The following DGKQ variants were observed in gnomAD, a reference collection of about 807,000 sequenced individuals.
DGKQ encodes diacylglycerol kinase theta.
A neutral mutation model predicts 104.2 loss-of-function variants in DGKQ; 97 were observed. The observed-to-expected ratio is 0.93, with a 90% CI of 0.79 to 1.10. DGKQ has a LOEUF of 1.10. Among genes scored for constraint, DGKQ ranks in the 50% least tolerant of loss-of-function variants. The probability of loss-of-function intolerance (pLI) is 0.00; values close to 1 mark genes in which losing one functional copy is unlikely to be tolerated. For missense variants in DGKQ, 1,465 were observed against 1,352.1 expected (o/e 1.08, Z -1.31); for synonymous variants, 736 against 595.2 (o/e 1.24, Z -3.44).
At chr4:969,703 G>A (rs1196157415) in intron 2 of DGKQ, among the ~76,000 whole-genome samples, 1 of 150,544 alleles carries the variant, frequency 6.6e-6, no homozygotes, top group Non-Finnish European at 1.5e-5. Context: ...TCCGCCTCCT[G>A]GGTTCACACC....
intron 1 of DGKQ, among the ~76,000 whole-genome samples, chr4:972,008 G>T (rs564314799): frequency 6.6e-6 from 1 of 152,180 alleles, no homozygotes; most frequent in South Asian, 2.1e-4. Context: ...AGGGTCCACC[G>T]AGAGAAGGGG....
chr4:966,630 G>T, intron 11 of DGKQ, 103 bp from the exon 12 acceptor site: 1 of 1,506,626 alleles, frequency 6.6e-7, no homozygotes, highest in Non-Finnish European at 9.0e-7. Flanking sequence ...GGTGGAGCTG[G>T]TCAGGAGGGC....
chr4:969,565 G>A (rs553725503), intron 2 of DGKQ, among the ~76,000 whole-genome samples: 1 of 152,084 alleles, frequency 6.6e-6, no homozygotes, highest in East Asian at 1.9e-4. Flanking sequence ...TAGCAGCTGT[G>A]AGCATGCCAG....
Position 965,483 on chromosome 4 carries a change from C to A in DGKQ, c.1618+8G>T. On this transcript the variant is annotated splice_region_variant and intron_variant, in intron 14 of 22. Coordinates refer to ENST00000273814, the MANE Select transcript of DGKQ (RefSeq NM_001347.4). ...CCTCATGTGACCACGTCCCTCAGGG[C>A]AGCTCACCTTGGGAGGAGTAGATGT... 3 of 1,610,566 alleles carry A rather than the reference C, an allele frequency of 1.9e-6. No individual in the cohort carries two copies. The highest frequency in any genetic ancestry group is 2.5e-6 in the Non-Finnish European group (3 of 1,178,944).
rs753860424 is a variant in DGKQ, at chr4:968,451, C to A, written c.537+28G>T. The A allele has an allele frequency of 4.4e-6, 7 of 1,596,020 alleles. No homozygotes were observed. The South Asian group carries it at 6.8e-5, about 15-fold the overall frequency. Reference sequence around the variant, plus strand: ...CAGCAGCTGGGCCCGCCCCACCCCCCAGGGCTCCCTGGGGCCGGTACACTC... The same window carrying A: ...CAGCAGCTGGGCCCGCCCCACCCCCAAGGGCTCCCTGGGGCCGGTACACTC... On this transcript the variant is annotated intron_variant, in intron 4 of 22. Coordinates refer to ENST00000273814, the MANE Select transcript of DGKQ (RefSeq NM_001347.4).
chr4:967,486 C>A, intron 8 of DGKQ, 63 bp downstream of exon 8: 2 of 1,540,968 alleles, frequency 1.3e-6, no homozygotes, highest in South Asian at 1.1e-5. Flanking sequence ...AGGTCAGGTG[C>A]GCCAGGTGCG....
chr4:968,638 C>T (rs546234957), intron 3 of DGKQ, 74 bp from the exon 4 acceptor site: 1 of 1,449,602 alleles, frequency 6.9e-7, no homozygotes, highest in East Asian at 2.4e-5. Flanking sequence ...TTGGGTCTGC[C>T]CCATCCCCAC....
At position 960,554 on chromosome 4, in the gene DGKQ, G is replaced by T; in HGVS notation, c.*66C>A. ...CTGTGTGGACGTGGAGCTGCCTCCA[G>T]ACCACCTGAAAACAAGGCTGGCGGG... On this transcript the variant is annotated 3_prime_UTR_variant, in exon 23 of 23. Coordinates refer to ENST00000273814, the MANE Select transcript of DGKQ (RefSeq NM_001347.4). The T allele has an allele frequency of 6.8e-7, 1 of 1,477,270 alleles. No individual in the cohort carries two copies. The highest frequency in any genetic ancestry group is 1.7e-5 in the Admixed American group (1 of 59,052). 91.5% of individuals were successfully genotyped at this position (1,477,270 alleles called of 1,614,324 possible).
Position 961,524 on chromosome 4 carries a change from C to A in DGKQ, c.2517G>T (p.Lys839Asn). ...WGSDSDTRFE[K>N]PRMDDGLLEV... ...CCAGCAGCCCGTCGTCCATGCGTGG[C>A]TTCTCAAACCTGGTGTCGCTGTCGG... Residue 839 changes from lysine to asparagine, a missense_variant, in exon 21 of 23, where the codon AAG (lysine) becomes AAT (asparagine). Physicochemically the swap from Lys to Asn is moderately conservative, Grantham distance 94. Coordinates refer to ENST00000273814, the MANE Select transcript of DGKQ (RefSeq NM_001347.4). The A allele has an allele frequency of 6.2e-7, 1 of 1,609,522 alleles. No homozygotes were observed. Among genetic ancestry groups the A allele is most frequent in the East Asian group, 2.2e-5 (1 of 44,696 alleles).
rs761684103 is a variant in DGKQ, at chr4:961,593, A to G, written c.2463-15T>C. 1.9e-6 allele frequency: 3 copies of G among 1,609,628 alleles called. No individual in the cohort carries two copies. In the South Asian group the frequency reaches 3.3e-5, roughly 18 times the overall value. ...CCGAGCCCCAGCTGCCGCATAAGAGAGCGGGCACAGAGGTGTAGGTGCAGG... is the reference window on the plus strand; with the variant it reads ...CCGAGCCCCAGCTGCCGCATAAGAGGGCGGGCACAGAGGTGTAGGTGCAGG... On this transcript the variant is annotated splice_polypyrimidine_tract_variant and intron_variant, in intron 20 of 22. Coordinates refer to ENST00000273814, the MANE Select transcript of DGKQ (RefSeq NM_001347.4).
intron 2 of DGKQ, among the ~76,000 whole-genome samples, chr4:969,925 C>T (rs1348579856): frequency 6.6e-6 from 1 of 152,226 alleles, no homozygotes; most frequent in African/African-American, 2.4e-5. Flanking sequence ...AATACATCTT[C>T]TAAATTTCCT....
At position 961,844 on chromosome 4, in the gene DGKQ, G is replaced by A. The variant is rs77865682; in HGVS notation, c.2316-10C>T. 2.7e-3 allele frequency: 4,358 copies of A among 1,592,816 alleles called. 94 individuals carry two copies. In the African/African-American group the frequency reaches 0.045, roughly 17 times the overall value. ...ACCCTTGTTGTGCAGCCTGCAGGAC[G>A]GGGCAGGTCACCCATCACCAGGGGA... On this transcript the variant is annotated splice_polypyrimidine_tract_variant and intron_variant, in intron 19 of 22. Coordinates refer to ENST00000273814, the MANE Select transcript of DGKQ (RefSeq NM_001347.4).
At chr4:966,117 C>G in intron 12 of DGKQ, 39 bp from the exon 13 acceptor site, 1 of 1,556,418 alleles carries the variant, frequency 6.4e-7, no homozygotes, top group Non-Finnish European at 8.7e-7. Context: ...CCGGGGAGAA[C>G]GGCACCACCG....
chr4:971,220 C>T lies in DGKQ; in HGVS notation c.272-148G>A, dbSNP rs1029933679. 1 of 622,828 alleles carries T rather than the reference C, an allele frequency of 1.6e-6. No homozygotes were observed. Among genetic ancestry groups the T allele is most frequent in the African/African-American group, 1.8e-5 (1 of 54,982 alleles). The allele number at this position is 622,828 out of a possible 1,614,324, so 38.6% of individuals were successfully genotyped here. ...TCCTCGAGTTCCCCCACCACCCTGC[C>T]CACTCATTGGAGAGAGCCTGCAGCC... On this transcript the variant is annotated intron_variant, in intron 1 of 22. Coordinates refer to ENST00000273814, the MANE Select transcript of DGKQ (RefSeq NM_001347.4). This position sits in a 1 kb window ranked among gnomAD's most constrained non-coding sequence, Gnocchi z 4.0.
Position 961,818 on chromosome 4 carries a change from C to G in DGKQ, c.2332G>C (p.Val778Leu). The G allele has an allele frequency of 6.2e-7, 1 of 1,604,058 alleles. No individual in the cohort carries two copies. The highest frequency in any genetic ancestry group is 8.5e-7 in the Non-Finnish European group (1 of 1,175,602). ...TTCTGCAGCCCCACCCGCACGTACACACCCTTGTTGTGCAGCCTGCAGGAC... is the reference window on the plus strand; with the variant it reads ...TTCTGCAGCCCCACCCGCACGTACAGACCCTTGTTGTGCAGCCTGCAGGAC... ...KFTSRLHNKG[V>L]YVRVGLQKIS... The change falls in exon 20 of 23, where the codon GTG becomes CTG. Residue 778 changes from valine to leucine, a missense_variant. Physicochemically the swap from Val to Leu is conservative, Grantham distance 32. Coordinates refer to ENST00000273814, the MANE Select transcript of DGKQ (RefSeq NM_001347.4).
At chr4:963,070 C>T (rs111719144) in intron 16 of DGKQ, 69 bp downstream of exon 16, 3 of 1,518,216 alleles carry the variant, frequency 2.0e-6, no homozygotes, top group Non-Finnish European at 2.7e-6. Flanking sequence ...GCCGAGACAG[C>T]TGTGGCAGCC....
At chr4:966,660 C>T (rs941027436) in intron 11 of DGKQ, 88 bp downstream of exon 11, 14 of 1,513,586 alleles carry the variant, frequency 9.2e-6, no homozygotes, top group South Asian at 5.9e-5. Flanking sequence ...CCTTGATGTC[C>T]GGCACCACCC....
chr4:964,297 T>G (rs1339970983), intron 15 of DGKQ, among the ~76,000 whole-genome samples: 1 of 152,246 alleles, frequency 6.6e-6, no homozygotes, highest in Non-Finnish European at 1.5e-5. Flanking sequence ...CAACTCATTC[T>G]GCTCGAGTTC....
At position 959,525 on chromosome 4, in the gene DGKQ, T is replaced by TG. The variant is rs1711704989; in HGVS notation, c.*1094dup. The TG allele has an allele frequency of 6.6e-6, 1 of 152,390 alleles. No homozygotes were observed. The allele number at this position is 152,390 out of a possible 1,614,324, so 9.4% of individuals were successfully genotyped here. ...TGGGTGCACCCCAGCCTGGCCCAGA[T>TG]GCAGGACCCTCCACCAAGCTGTCTG... On this transcript the variant is annotated 3_prime_UTR_variant, in exon 23 of 23. Coordinates refer to ENST00000273814, the MANE Select transcript of DGKQ (RefSeq NM_001347.4).
Sources: allele counts gnomAD v4.1 joint callset (sites outside exome capture counted in the v4.1 genomes callset), GRCh38; gene constraint gnomAD v4.1.1; non-coding constraint Gnocchi (gnomAD v3.1); transcripts MANE v1.5; gene names NCBI Gene and HGNC (gene_info 2026-07-23, HGNC 2026-07-21).